Variants in CPQ observed in about 807,000 individuals in gnomAD.
The protein encoded by CPQ is carboxypeptidase Q.
In CPQ, 37 loss-of-function variants were observed where a neutral mutation model predicts 45.7. That is an observed-to-expected ratio of 0.81 (90% confidence interval 0.62 to 1.07). The LOEUF is 1.07. Ranked by LOEUF, CPQ falls within the 50% of genes least tolerant of loss-of-function variation. The pLI is 0.00. For synonymous variants in CPQ, 186 were observed against 205.8 expected (o/e 0.90, Z 0.82); for missense variants, 537 against 572.9 (o/e 0.94, Z 0.64).
chr8:96,670,508 A>G (rs1563697514), intron 1 of CPQ, among the ~76,000 whole-genome samples: 2 of 152,184 alleles, frequency 1.3e-5, no homozygotes. Flanking sequence ...TATTAATATC[A>G]GATAAAGTAG....
At chr8:96,704,869 A>G (rs1809512842) in intron 1 of CPQ, among the ~76,000 whole-genome samples, 1 of 152,146 alleles carries the variant, frequency 6.6e-6, no homozygotes, top group African/African-American at 2.4e-5. Context: ...TGAAACATCC[A>G]TTTGGAGGTA....
At chr8:96,858,093 C>T (rs970112842) in intron 3 of CPQ, among the ~76,000 whole-genome samples, 1 of 152,094 alleles carries the variant, frequency 6.6e-6, no homozygotes, top group Admixed American at 6.6e-5. Flanking sequence ...TGTCTGGCTT[C>T]TGGGGACTCA....
At position 96,656,841 on chromosome 8, in the gene CPQ, TCAC is replaced by T. The variant is rs1377504243; in HGVS notation, c.-35+11442_-35+11444del. On this transcript the variant is annotated intron_variant, in intron 1 of 7. Coordinates refer to ENST00000220763, the MANE Select transcript of CPQ (RefSeq NM_016134.4). ...CACCACTGGGAGGAACATAGAGCCA[TCAC>T]CAAAATTTGCACACTGGTCCCTGTG... Among the ~76,000 whole-genome samples the T allele has an allele frequency of 3.9e-5, 6 of 152,236 alleles. No individual in the cohort carries two copies. The South Asian group carries it at 1.2e-3, about 32-fold the overall frequency.
intron 6 of CPQ, among the ~76,000 whole-genome samples, chr8:97,052,343 T>C (rs1374074165): frequency 6.6e-6 from 1 of 152,152 alleles, no homozygotes; most frequent in Admixed American, 6.5e-5. Context: ...CTCATCTGTT[T>C]ATTATTTTCC....
At chr8:96,675,462 TTTAC>T (rs1809065319) in intron 1 of CPQ, among the ~76,000 whole-genome samples, 1 of 152,090 alleles carries the variant, frequency 6.6e-6, no homozygotes, top group Non-Finnish European at 1.5e-5. Context: ...TGTACCATGA[TTTAC>T]TTAGTCTATA....
At chr8:96,872,102 T>A (rs968823393) in intron 3 of CPQ, among the ~76,000 whole-genome samples, 4 of 151,902 alleles carry the variant, frequency 2.6e-5, no homozygotes, top group Non-Finnish European at 4.4e-5. Context: ...GGATCAGAAA[T>A]GTTTTGGATT....
intron 7 of CPQ, among the ~76,000 whole-genome samples, chr8:97,110,494 A>G (rs13264693): frequency 0.3 from 45,555 of 152,088 alleles, 7,112 homozygotes; most frequent in South Asian, 0.45. Context: ...TGGGATTGCC[A>G]GGTCACAGGT....
intron 1 of CPQ, among the ~76,000 whole-genome samples, chr8:96,687,182 TC>T (rs1243797423): frequency 2.0e-5 from 3 of 151,860 alleles, no homozygotes; most frequent in African/African-American, 7.2e-5. Flanking sequence ...TTCTTTCTCT[TC>T]TCTTCTCTTC....
At chr8:96,799,089 A>G (rs1810971717) in intron 2 of CPQ, among the ~76,000 whole-genome samples, 1 of 152,238 alleles carries the variant, frequency 6.6e-6, no homozygotes, top group Non-Finnish European at 1.5e-5. Flanking sequence ...ATATCCAAAT[A>G]ACAAGAAATT....
At chr8:97,087,579 G>C (rs2130560848) in intron 7 of CPQ, among the ~76,000 whole-genome samples, 1 of 152,244 alleles carries the variant, frequency 6.6e-6, no homozygotes. Flanking sequence ...AATTTAAAAA[G>C]CTTTTCCATT....
intron 1 of CPQ, among the ~76,000 whole-genome samples, chr8:96,691,153 G>T (rs1356991495): frequency 6.6e-6 from 1 of 152,164 alleles, no homozygotes; most frequent in Non-Finnish European, 1.5e-5. Flanking sequence ...TAACAGCAGG[G>T]ATGCTGTTCC....
intron 4 of CPQ, among the ~76,000 whole-genome samples, chr8:96,961,846 T>A (rs1813465931): frequency 6.6e-6 from 1 of 152,182 alleles, no homozygotes; most frequent in Non-Finnish European, 1.5e-5. Flanking sequence ...ATTAGCTCAT[T>A]TTCCTAAGAA....
chr8:96,764,613 T>A (rs1810444780), intron 1 of CPQ, among the ~76,000 whole-genome samples: 1 of 152,280 alleles, frequency 6.6e-6, no homozygotes, highest in African/African-American at 2.4e-5. Context: ...ATAAAAAACA[T>A]TTGGGCCAAA....
chr8:96,949,535 C>T (rs1028562628), intron 4 of CPQ, among the ~76,000 whole-genome samples: 1 of 152,088 alleles, frequency 6.6e-6, no homozygotes, highest in African/African-American at 2.4e-5. Flanking sequence ...ATATCACATA[C>T]TCTGTTATCA....
At chr8:97,087,242 C>A (rs1455901575) in intron 7 of CPQ, among the ~76,000 whole-genome samples, 1 of 152,142 alleles carries the variant, frequency 6.6e-6, no homozygotes, top group Non-Finnish European at 1.5e-5. Context: ...AGGTGACCTG[C>A]CAAATCTTTC....
chr8:96,806,699 T>C (rs1293260442), intron 2 of CPQ, among the ~76,000 whole-genome samples: 2 of 152,230 alleles, frequency 1.3e-5, no homozygotes, highest in Non-Finnish European at 2.9e-5. Context: ...ATACTGTATT[T>C]ATGCATTTAT....
chr8:96,870,439 C>A (rs1236138496), intron 3 of CPQ, among the ~76,000 whole-genome samples: 1 of 151,904 alleles, frequency 6.6e-6, no homozygotes, highest in African/African-American at 2.4e-5. Flanking sequence ...AGATAGTAAT[C>A]ATTTTTATTG....
At chr8:96,838,262 T>C (rs1487046856) in intron 3 of CPQ, among the ~76,000 whole-genome samples, 1 of 152,186 alleles carries the variant, frequency 6.6e-6, no homozygotes, top group African/African-American at 2.4e-5. Flanking sequence ...CTCAGTCACT[T>C]CACACAATAG....
At chr8:96,875,694 A>C (rs976572612) in intron 3 of CPQ, among the ~76,000 whole-genome samples, 3 of 151,900 alleles carry the variant, frequency 2.0e-5, no homozygotes, top group Admixed American at 1.3e-4. Context: ...CTTGGTTACT[A>C]TAGTTTTATG....
Sources: allele counts gnomAD v4.1 joint callset (sites outside exome capture counted in the v4.1 genomes callset), GRCh38; gene constraint gnomAD v4.1.1; transcripts MANE v1.5; gene names NCBI Gene and HGNC (gene_info 2026-07-23, HGNC 2026-07-21).